RBFOX1: variants seen among roughly 807,000 people sequenced by gnomAD.
RBFOX1 encodes RNA binding protein fox-1 homolog 1.
RBFOX1 carries 8 observed loss-of-function variants against 57.7 expected under a neutral mutation model. The ratio of observed to expected loss-of-function variants is 0.14; its 90% CI spans 0.08 to 0.25. RBFOX1 has a LOEUF of 0.25. Ranked by LOEUF, RBFOX1 falls within the 10% of genes least tolerant of loss-of-function variation. RBFOX1 has a pLI of 1.00. For missense variants in RBFOX1, 611 were observed against 548.5 expected (o/e 1.11, Z -1.14); for synonymous variants, 326 against 222.4 (o/e 1.47, Z -4.15).
chr16:6,558,431 A>G (rs2097134674), intron 2 of RBFOX1, among the ~76,000 whole-genome samples: 1 of 152,090 alleles, frequency 6.6e-6, no homozygotes, highest in Non-Finnish European at 1.5e-5. Flanking sequence ...TTAGTTTTAG[A>G]AAACATGGAT....
intron 4 of RBFOX1, among the ~76,000 whole-genome samples, chr16:7,504,135 T>G (rs1237628007): frequency 2.6e-5 from 4 of 152,134 alleles, no homozygotes; most frequent in African/African-American, 9.7e-5. Context: ...TGGTACAAAT[T>G]TCTTCATGGA....
At chr16:5,597,287 G>A (rs9925172) in intron 2 of RBFOX1, among the ~76,000 whole-genome samples, 15,172 of 130,438 alleles carry the variant, frequency 0.12, 1,043 homozygotes, top group East Asian at 0.32. Context: ...CTTTCTCTCC[G>A]TTGCTCTCCC....
At chr16:7,132,433 G>GACACACACAC (rs36226659) in intron 4 of RBFOX1, among the ~76,000 whole-genome samples, 1 of 144,802 alleles carries the variant, frequency 6.9e-6, no homozygotes, top group Non-Finnish European at 1.5e-5. Context: ...GTGATACACA[G>GACACACACAC]ACACACACAC....
At chr16:7,200,516 G>C (rs1247593014) in intron 4 of RBFOX1, among the ~76,000 whole-genome samples, 1 of 152,178 alleles carries the variant, frequency 6.6e-6, no homozygotes, top group Non-Finnish European at 1.5e-5. Flanking sequence ...ATACCCCACA[G>C]ACAACATCAC....
rs569360 is a variant in RBFOX1 at position 5,440,588 on chromosome 16, G to T, written c.220-26628G>T. On this transcript the variant is annotated intron_variant, in intron 1 of 2. Transcript: ENST00000585867. ...AACTCTCCATGGCTCTAGGTAAACA[G>T]TCAATATTTTATCCCTGTGATGCTC... is the stretch of plus-strand genomic sequence containing the variant. Among the ~76,000 whole-genome samples the T allele has an allele frequency of 4.3e-3, 660 of 152,248 alleles. 9 individuals are homozygous for T. The highest frequency in any genetic ancestry group is 0.015 in the African/African-American group (623 of 41,548).
At chr16:6,839,334 C>G (rs889313054) in intron 3 of RBFOX1, among the ~76,000 whole-genome samples, 2 of 152,270 alleles carry the variant, frequency 1.3e-5, no homozygotes, top group East Asian at 1.9e-4. Context: ...ACTCCTCACT[C>G]TACTATTAAC....
intron 3 of RBFOX1, among the ~76,000 whole-genome samples, chr16:6,746,966 C>G (rs569905274): frequency 6.6e-6 from 1 of 152,226 alleles, no homozygotes; most frequent in Non-Finnish European, 1.5e-5. Flanking sequence ...AAAATCTCAT[C>G]TCTCCTGTGG....
chr16:5,887,077 C>T (rs1025407617), intron 4 of RBFOX1, among the ~76,000 whole-genome samples: 3 of 152,132 alleles, frequency 2.0e-5, no homozygotes, highest in Non-Finnish European at 4.4e-5. Flanking sequence ...GCATTTTCTC[C>T]CCAGGTTGTG....
rs772824795 is a variant in RBFOX1 at position 6,601,978 on chromosome 16, CTCTTG to C, written c.-63-52622_-63-52618del. ...GACCATTCAGATAAACAACTCTTCT[CTCTTG>C]TCAGGTAGGACAGGGGATGGAGGAA... On this transcript the variant is annotated intron_variant, in intron 2 of 15. Coordinates refer to ENST00000550418, the MANE Select transcript of RBFOX1 (RefSeq NM_018723.4). 9.4e-4 allele frequency among the ~76,000 whole-genome samples: 143 copies of C among 151,940 alleles called. 1 individual carries two copies. Among genetic ancestry groups the C allele is most frequent in the Non-Finnish European group, 1.0e-3 (69 of 68,026 alleles).
intron 1 of RBFOX1, among the ~76,000 whole-genome samples, chr16:6,102,801 G>T (rs773819549): frequency 6.6e-5 from 10 of 152,146 alleles, no homozygotes; most frequent in Non-Finnish European, 1.2e-4. Context: ...GTAGGTCCTG[G>T]TTTTTATTAT....
intron 3 of RBFOX1, among the ~76,000 whole-genome samples, chr16:6,677,461 A>G (rs1004983858): frequency 2.0e-5 from 3 of 152,192 alleles, no homozygotes; most frequent in African/African-American, 7.2e-5. Context: ...GGCTACCTAC[A>G]TCAAAAGATC....
chr16:5,612,820 C>T (rs2047873052), intron 3 of RBFOX1, among the ~76,000 whole-genome samples: 1 of 152,196 alleles, frequency 6.6e-6, no homozygotes, highest in Non-Finnish European at 1.5e-5. Context: ...CATTGAAGAC[C>T]TCAGTGCCAC....
rs77358035 is a variant in RBFOX1, at chr16:7,407,373, G to GGTGTGTGT, written c.28-110749_28-110742dup. ...ATTTTGACTTCAAGGGATTTGTATGGGTGTGTGTGTGTGTGTGTGTGTGTG... is the reference window on the plus strand; with the variant it reads ...ATTTTGACTTCAAGGGATTTGTATGGGTGTGTGTGTGTGTGTGTGTGTGTGTGTGTGTG... On this transcript the variant is annotated intron_variant, in intron 4 of 15. Coordinates refer to ENST00000550418, the MANE Select transcript of RBFOX1 (RefSeq NM_018723.4). Among the ~76,000 whole-genome samples the GGTGTGTGT allele has an allele frequency of 3.0e-3, 454 of 149,660 alleles. 3 individuals carry two copies. Among genetic ancestry groups the GGTGTGTGT allele is most frequent in the African/African-American group, 0.01 (422 of 40,408 alleles).
chr16:6,358,142 C>G (rs375922432), intron 2 of RBFOX1, among the ~76,000 whole-genome samples: 1 of 152,056 alleles, frequency 6.6e-6, no homozygotes, highest in Non-Finnish European at 1.5e-5. Context: ...TTGTGGAAGT[C>G]GTTTAACCTC....
At chr16:5,508,303 C>T (rs1164420816) in intron 2 of RBFOX1, among the ~76,000 whole-genome samples, 1 of 152,162 alleles carries the variant, frequency 6.6e-6, no homozygotes, top group Admixed American at 6.5e-5. Flanking sequence ...GATCCACTGA[C>T]ATTGCTCAGG....
chr16:7,469,117 G>A lies in RBFOX1; in HGVS notation c.28-49030G>A, dbSNP rs923284919. Among the ~76,000 whole-genome samples the A allele has an allele frequency of 7.9e-5, 12 of 152,228 alleles. No individual in the cohort carries two copies. The South Asian group carries it at 1.0e-3, about 13-fold the overall frequency. ...CCCGGCTAATTTTTTTGAATTTTTA[G>A]TAGAGACGGGGTTTGACCGTGTTAG... On this transcript the variant is annotated intron_variant, in intron 4 of 15. Transcript: ENST00000550418.
At chr16:6,511,695 G>A (rs947836951) in intron 2 of RBFOX1, among the ~76,000 whole-genome samples, 7 of 152,136 alleles carry the variant, frequency 4.6e-5, no homozygotes, top group African/African-American at 1.7e-4. Flanking sequence ...TAAAGGCTGT[G>A]GTGATAGTAA....
At chr16:5,442,718 C>T (rs2068121623) in intron 1 of RBFOX1, among the ~76,000 whole-genome samples, 1 of 152,204 alleles carries the variant, frequency 6.6e-6, no homozygotes, top group Admixed American at 6.5e-5. Flanking sequence ...ACACACCTAG[C>T]ATTATGTTTT....
intron 3 of RBFOX1, among the ~76,000 whole-genome samples, chr16:5,694,652 C>T (rs984095271): frequency 6.6e-6 from 1 of 152,024 alleles, no homozygotes; most frequent in African/African-American, 2.4e-5. Flanking sequence ...GAGGGCTTTG[C>T]TCAGTCAATT....
Sources: allele counts gnomAD v4.1 joint callset (sites outside exome capture counted in the v4.1 genomes callset), GRCh38; gene constraint gnomAD v4.1.1; transcripts MANE v1.5; gene names NCBI Gene and HGNC (gene_info 2026-07-23, HGNC 2026-07-21).